Variants in PTPRS observed in about 807,000 individuals in gnomAD.
PTPRS encodes the protein protein tyrosine phosphatase receptor type S, also known as receptor-type tyrosine-protein phosphatase S.
In PTPRS, 63 loss-of-function variants were observed where a neutral mutation model predicts 215.3. The ratio of observed to expected loss-of-function variants is 0.29; its 90% CI spans 0.24 to 0.36. The LOEUF is 0.36. Among genes scored for constraint, PTPRS ranks in the 10% least tolerant of loss-of-function variants. The pLI is 1.00. For missense variants in PTPRS, 2,258 were observed against 2,825.8 expected, an observed-to-expected ratio of 0.80 and a Z score of 4.56; for synonymous variants, 1,404 against 1,191.4, an observed-to-expected ratio of 1.18 and a Z score of -3.68.
At chr19:5,292,013 T>C (rs1012699363) in intron 1 of PTPRS, among the ~76,000 whole-genome samples, 12 of 152,004 alleles carry the variant, frequency 7.9e-5, no homozygotes, top group African/African-American at 2.4e-4. Context: ...GCCCTCATAC[T>C]TGTCCTCAGG....
At chr19:5,268,725 C>T (rs2046643078) in intron 4 of PTPRS, among the ~76,000 whole-genome samples, 1 of 152,200 alleles carries the variant, frequency 6.6e-6, no homozygotes, top group Non-Finnish European at 1.5e-5. Context: ...TGATCTCCTC[C>T]AAGCCTTTTC....
intron 2 of PTPRS, among the ~76,000 whole-genome samples, chr19:5,278,555 C>G (rs1334401380): frequency 6.6e-6 from 1 of 152,184 alleles, no homozygotes; most frequent in Non-Finnish European, 1.5e-5. Flanking sequence ...TGGCTCACTG[C>G]AACCTCCGCC....
chr19:5,213,325 G>A (rs564108764), intron 30 of PTPRS, among the ~76,000 whole-genome samples: 2 of 82,882 alleles, frequency 2.4e-5, no homozygotes, highest in East Asian at 1.2e-3. Context: ...CAGGGTCAAA[G>A]CCAAAGTCTT....
At chr19:5,233,547 G>A (rs2043186485) in intron 13 of PTPRS, among the ~76,000 whole-genome samples, 1 of 150,872 alleles carries the variant, frequency 6.6e-6, no homozygotes, top group Admixed American at 6.7e-5. Flanking sequence ...TGAATATCTA[G>A]TATGTGCCAC....
chr19:5,291,914 C>G (rs1313294037), intron 1 of PTPRS, among the ~76,000 whole-genome samples: 1 of 151,962 alleles, frequency 6.6e-6, no homozygotes, highest in Admixed American at 6.6e-5. Flanking sequence ...CTTGATCCCC[C>G]CCACTTGTGG....
rs1169519082 is a variant in PTPRS, at chr19:5,339,195, G to C, written c.-95+1469C>G. Among the ~76,000 whole-genome samples, 1 of 152,118 alleles carries C rather than the reference G, an allele frequency of 6.6e-6. No homozygotes were observed. The highest frequency in any genetic ancestry group is 1.5e-5 in the Non-Finnish European group (1 of 68,002). ...AGGGGGCTCCCCTAGATTGTGACGG[G>C]GGGGGACAGGGGAATCCCAGCTGAG... On this transcript the variant is annotated intron_variant, in intron 1 of 37. Transcript: ENST00000262963. This position sits in a 1 kb window ranked among gnomAD's most constrained non-coding sequence, Gnocchi z 4.2.
rs894390037 is a variant in PTPRS at position 5,233,738 on chromosome 19, TAGAG to T, written c.1850-2127_1850-2124del. On this transcript the variant is annotated intron_variant, in intron 13 of 37. Coordinates refer to ENST00000262963, the MANE Select transcript of PTPRS (RefSeq NM_002850.4). Reference sequence around the variant, plus strand: ...GTGGGTGGATCACGAGGTCAGGAGTTAGAGAGACCAGCCTAGCCAACATGGTGAA... The same window carrying T: ...GTGGGTGGATCACGAGGTCAGGAGTTAGACCAGCCTAGCCAACATGGTGAA... Among the ~76,000 whole-genome samples the T allele has an allele frequency of 4.6e-4, 70 of 150,690 alleles. 1 individual carries two copies. Among genetic ancestry groups the T allele is most frequent in the African/African-American group, 1.6e-3 (66 of 41,018 alleles).
chr19:5,223,262 G>A lies in PTPRS; in HGVS notation c.2530C>T (p.Pro844Ser), dbSNP rs752927950. ...GRPTLSVQQT[P>S]EGSLLARWEP... ...CAGCGTGCCAGCAGGCTGCCCTCGG[G>A]GGTCTGCTGCACCGACAGGGTTGGG... Residue 844 changes from proline (P) to serine (S), a missense_variant, in exon 18 of 38, where the codon CCC becomes TCC. By Grantham distance (74) the Pro-to-Ser change is moderately conservative. Coordinates refer to ENST00000262963, the MANE Select transcript of PTPRS (RefSeq NM_002850.4). 1 of 1,476,934 alleles carries A rather than the reference G, an allele frequency of 6.8e-7. No individual in the cohort carries two copies. Among genetic ancestry groups the A allele is most frequent in the Non-Finnish European group, 8.9e-7 (1 of 1,117,782 alleles). 91.5% of individuals were successfully genotyped at this position (1,476,934 alleles called of 1,614,324 possible). A position where few individuals can be genotyped will look rare whatever the true frequency, so the allele number is the denominator to read the frequency against.
chr19:5,323,678 C>T (rs907903984), intron 1 of PTPRS, among the ~76,000 whole-genome samples: 17 of 152,036 alleles, frequency 1.1e-4, no homozygotes, highest in Admixed American at 3.3e-4. Flanking sequence ...AAGGAGGGGA[C>T]GGCAGGGAAG....
Position 5,220,366 on chromosome 19 carries a change from GGGAAAGAGTCAGAGGGGCTGTCGATA to G in PTPRS, c.3456-39_3456-14del. The G allele has an allele frequency of 6.2e-7, 1 of 1,607,496 alleles. No homozygotes were observed. The highest frequency in any genetic ancestry group is 8.5e-7 in the Non-Finnish European group (1 of 1,175,002). On this transcript the variant is annotated splice_polypyrimidine_tract_variant and intron_variant, in intron 20 of 37. Coordinates refer to ENST00000262963, the MANE Select transcript of PTPRS (RefSeq NM_002850.4). ...AATGAAATAGCTCCTGTAGGGAGAT[GGGAAAGAGTCAGAGGGGCTGTCGATA>G]GGGATGACCAAGGGATGCTTCATGG...
At chr19:5,267,719 G>A (rs878872823) in intron 4 of PTPRS, among the ~76,000 whole-genome samples, 9 of 50,934 alleles carry the variant, frequency 1.8e-4, no homozygotes, top group Non-Finnish European at 3.3e-4. Context: ...GTGCCCCCCC[G>A]CCCCCCCAAC....
intron 26 of PTPRS, among the ~76,000 whole-genome samples, chr19:5,215,952 C>T (rs895453536): frequency 6.6e-6 from 1 of 152,120 alleles, no homozygotes; most frequent in Non-Finnish European, 1.5e-5. Flanking sequence ...CCCAGTGCCT[C>T]GAGCCAAGAA....
chr19:5,317,382 G>C (rs1350093170), intron 1 of PTPRS, among the ~76,000 whole-genome samples: 1 of 152,186 alleles, frequency 6.6e-6, no homozygotes, highest in Non-Finnish European at 1.5e-5. Context: ...TGAGGCAGGA[G>C]AATCACTTGA....
chr19:5,277,806 T>G, intron 2 of PTPRS: 1 of 749,648 alleles, frequency 1.3e-6, no homozygotes, highest in South Asian at 1.3e-5. Flanking sequence ...CCGGCACCAG[T>G]CAGACCAATA....
At chr19:5,314,401 T>G (rs1258366391) in intron 1 of PTPRS, among the ~76,000 whole-genome samples, 1 of 152,136 alleles carries the variant, frequency 6.6e-6, no homozygotes, top group East Asian at 1.9e-4. Flanking sequence ...CTGGATCTGC[T>G]TATCTTGTTT....
chr19:5,235,399 C>T (rs1196219523), intron 13 of PTPRS, among the ~76,000 whole-genome samples: 1 of 152,166 alleles, frequency 6.6e-6, no homozygotes. Context: ...TATTTGCACA[C>T]ACTGTGCCAA....
At position 5,237,505 on chromosome 19, in the gene PTPRS, G is replaced by A. The variant is rs552251968; in HGVS notation, c.1849+1414C>T. Among the ~76,000 whole-genome samples, 20 of 152,344 alleles carry A rather than the reference G, an allele frequency of 1.3e-4. No homozygotes were observed. The South Asian group carries it at 4.1e-3, about 32-fold the overall frequency. ...CCAACCTGCATGACATCTCGGGAAG[G>A]GATGTGTGCAAAGACGTGGATGTGC... On this transcript the variant is annotated intron_variant, in intron 13 of 37. Coordinates refer to ENST00000262963, the MANE Select transcript of PTPRS (RefSeq NM_002850.4). This position sits in a 1 kb window ranked among gnomAD's most constrained non-coding sequence, Gnocchi z 4.2.
At chr19:5,230,019 T>G (rs28713356) in intron 14 of PTPRS, among the ~76,000 whole-genome samples, 11,538 of 152,132 alleles carry the variant, frequency 0.076, 483 homozygotes, top group Non-Finnish European at 0.086. Flanking sequence ...GTCATTCTCA[T>G]TTTACATTTG....
chr19:5,272,754 A>G (rs2047032377), intron 4 of PTPRS, among the ~76,000 whole-genome samples: 1 of 151,404 alleles, frequency 6.6e-6, no homozygotes, highest in South Asian at 2.1e-4. Context: ...TTTTGTAGAG[A>G]TGGGGTCTCG....
Sources: gnomAD v4.1 joint callset for allele counts (sites outside exome capture counted in the v4.1 genomes callset) on GRCh38, gnomAD v4.1.1 for gene constraint, Gnocchi (gnomAD v3.1) non-coding constraint, MANE v1.5 for transcripts, NCBI Gene and HGNC (gene_info 2026-07-23, HGNC 2026-07-21) for gene names.